Variants in RIPOR3 observed in about 807,000 individuals in gnomAD.
RIPOR3 encodes RIPOR family member 3.
A neutral mutation model predicts 114.3 loss-of-function variants in RIPOR3; 95 were observed. The ratio of observed to expected loss-of-function variants is 0.83; its 90% CI spans 0.70 to 0.99. The LOEUF is 0.99. Ranked by LOEUF, RIPOR3 falls within the 50% of genes least tolerant of loss-of-function variation. The pLI is 0.00. For synonymous variants in RIPOR3, 575 were observed against 543.8 expected, an observed-to-expected ratio of 1.06 and a Z score of -0.80; for missense variants, 1,252 against 1,266.9, an observed-to-expected ratio of 0.99 and a Z score of 0.18.
At chr20:50,690,819 G>T (rs988619743) in intron 1 of RIPOR3, among the ~76,000 whole-genome samples, 1 of 152,166 alleles carries the variant, frequency 6.6e-6, no homozygotes, top group Non-Finnish European at 1.5e-5. Flanking sequence ...CCTACACAGT[G>T]CCTGGCGTAT....
Position 50,587,299 on chromosome 20 carries a change from T to C in RIPOR3, c.2786A>G (p.Asp929Gly). Residue 929 changes from aspartate (D) to glycine (G), a missense_variant, in exon 22 of 22, where the codon GAC becomes GGC. Physicochemically the swap from Asp to Gly is moderately conservative, Grantham distance 94 (BLOSUM62 -1). Transcript: ENST00000327979. ...EKGRLAFEKM[D>G]KLCSEQREVF... ...TTCTCTTTGTTCTGAGCAGAGCTTG[T>C]CCATCTTCTCAAAAGCTAACCGTCC... 1 of 1,614,212 alleles carries C rather than the reference T, an allele frequency of 6.2e-7. No individual in the cohort carries two copies. Among genetic ancestry groups the C allele is most frequent in the Non-Finnish European group, 8.5e-7 (1 of 1,180,040 alleles).
At chr20:50,672,168 A>T (rs996165768) in intron 1 of RIPOR3, among the ~76,000 whole-genome samples, 2 of 152,140 alleles carry the variant, frequency 1.3e-5, no homozygotes, top group African/African-American at 4.8e-5. Flanking sequence ...ACCCTCACTG[A>T]GCAGCTGTCA....
Position 50,587,875 on chromosome 20 carries a change from G to A in RIPOR3, c.2679C>T (p.Asp893=), listed in dbSNP as rs370425552. 2.5e-6 allele frequency: 4 copies of A among 1,614,168 alleles called. No individual in the cohort carries two copies. Among genetic ancestry groups the A allele is most frequent in the Admixed American group, 3.3e-5 (2 of 60,034 alleles). ...LKHLKGIESI[D]QTASLCQSDL... is the part of the protein sequence containing the mutation. ...CAGACTGGCACAGGCTGGCAGTCTGGTCGATGCTTTCAATGCCCTGTTCGA... is the reference window on the plus strand; with the variant it reads ...CAGACTGGCACAGGCTGGCAGTCTGATCGATGCTTTCAATGCCCTGTTCGA... Residue 893 remains aspartate (D), a synonymous_variant, in exon 21 of 22, where the codon GAC becomes GAT. Transcript: ENST00000327979.
chr20:50,644,849 T>TA (rs1428906937), intron 1 of RIPOR3, among the ~76,000 whole-genome samples: 9 of 150,546 alleles, frequency 6.0e-5, no homozygotes, highest in Admixed American at 1.3e-4. Flanking sequence ...TTTTTATTTT[T>TA]TTTTTTTGAG....
chr20:50,587,455 G>A, intron 21 of RIPOR3, 123 bp from the exon 22 acceptor site: 2 of 796,476 alleles, frequency 2.5e-6, no homozygotes, highest in South Asian at 1.5e-5. Context: ...AAAGCGGCAG[G>A]GGAGGGAGTA....
intron 1 of RIPOR3, among the ~76,000 whole-genome samples, chr20:50,663,533 G>A (rs1018717878): frequency 6.6e-6 from 1 of 152,138 alleles, no homozygotes; most frequent in Non-Finnish European, 1.5e-5. Flanking sequence ...ATATGTGAAG[G>A]TCTTGGCGTT....
chr20:50,649,265 C>T (rs1408302694), intron 1 of RIPOR3, among the ~76,000 whole-genome samples: 4 of 152,046 alleles, frequency 2.6e-5, no homozygotes, highest in Non-Finnish European at 5.9e-5. Flanking sequence ...GCCAACATGG[C>T]GAAACCCCGT....
Position 50,609,607 on chromosome 20 carries a change from T to C in RIPOR3, c.542A>G (p.Gln181Arg), listed in dbSNP as rs2083872311. The C allele has an allele frequency of 3.5e-6, 5 of 1,415,566 alleles. No individual in the cohort carries two copies. The highest frequency in any genetic ancestry group is 4.6e-6 in the Non-Finnish European group (5 of 1,088,518). 87.7% of individuals were successfully genotyped at this position (1,415,566 alleles called of 1,614,324 possible). A position where few individuals can be genotyped will look rare whatever the true frequency, so the allele number is the denominator to read the frequency against. Residue 181 changes from glutamine to arginine, a missense_variant, in exon 7 of 22, where the codon CAG (glutamine) becomes CGG (arginine). Coordinates refer to ENST00000327979, the MANE Select transcript of RIPOR3 (RefSeq NM_001290268.2). ...CTCGTGCAGGCTGCGGCCCAGCTCC[T>C]GCAGGCTCTCTCGGGCTGCGCGGCT... ...PPSRAARESL[Q>R]ELGRSLHECA...
chr20:50,587,535 T>C (rs1374972228), intron 21 of RIPOR3, among the ~76,000 whole-genome samples: 1 of 152,202 alleles, frequency 6.6e-6, no homozygotes, highest in Non-Finnish European at 1.5e-5. Context: ...GATGTTCCGC[T>C]GAATGGGAAC....
chr20:50,649,781 G>A (rs1030147807), intron 1 of RIPOR3, among the ~76,000 whole-genome samples: 3 of 152,212 alleles, frequency 2.0e-5, no homozygotes, highest in Admixed American at 1.3e-4. Context: ...TAGGCTGGCT[G>A]GAAGCAGATA....
intron 3 of RIPOR3, among the ~76,000 whole-genome samples, chr20:50,617,955 G>T (rs575981022): frequency 1.3e-5 from 2 of 152,098 alleles, no homozygotes; most frequent in African/African-American, 4.8e-5. Flanking sequence ...CCTCTTTGGG[G>T]TGCCCCATCT....
chr20:50,685,222 ATTTTTT>A (rs35813074), intron 1 of RIPOR3, among the ~76,000 whole-genome samples: 5 of 128,014 alleles, frequency 3.9e-5, no homozygotes, highest in East Asian at 2.4e-4. Flanking sequence ...ATGGGATAGA[ATTTTTT>A]TTTTTTTTTT....
chr20:50,609,143 G>T, intron 8 of RIPOR3, 150 bp downstream of exon 8: 2 of 1,233,892 alleles, frequency 1.6e-6, no homozygotes, highest in Middle Eastern at 1.9e-4. Context: ...CTCAGAGAGG[G>T]GTGGGACTTG....
intron 13 of RIPOR3, 79 bp from the exon 14 acceptor site, chr20:50,597,789 G>C (rs1242195310): frequency 1.3e-6 from 2 of 1,528,606 alleles, no homozygotes; most frequent in East Asian, 4.9e-5. Context: ...GGGCCTCACG[G>C]CAGACTTGGG....
chr20:50,606,025 G>A lies in RIPOR3; in HGVS notation c.957-1251C>T, dbSNP rs189456930. On this transcript the variant is annotated intron_variant, in intron 11 of 21. Transcript: ENST00000327979. The stretch of plus-strand genomic sequence containing the variant: ...TCGAGACCAGCCTGGCCAACATGGC[G>A]AAACCCCATCTCTCCTAAAAACATA... Among the ~76,000 whole-genome samples the A allele has an allele frequency of 2.6e-3, 397 of 152,232 alleles. 1 individual carries two copies. Among genetic ancestry groups the A allele is most frequent in the African/African-American group, 9.0e-3 (373 of 41,550 alleles).
At chr20:50,613,463 A>G (rs2084045322) in intron 4 of RIPOR3, among the ~76,000 whole-genome samples, 1 of 150,690 alleles carries the variant, frequency 6.6e-6, no homozygotes, top group Non-Finnish European at 1.5e-5. Flanking sequence ...GAAAAAAAAG[A>G]AAAGAAAAGA....
intron 13 of RIPOR3, among the ~76,000 whole-genome samples, chr20:50,601,240 C>T (rs1568834743): frequency 2.0e-5 from 3 of 152,136 alleles, no homozygotes; most frequent in Admixed American, 1.3e-4. Flanking sequence ...TTGAGACCAG[C>T]CTGGCCAACA....
chr20:50,663,175 A>G (rs937993188), intron 1 of RIPOR3, among the ~76,000 whole-genome samples: 1 of 151,432 alleles, frequency 6.6e-6, no homozygotes, highest in African/African-American at 2.4e-5. Flanking sequence ...AGTGAGTCAC[A>G]CAGGTATTCA....
At position 50,680,061 on chromosome 20, in the gene RIPOR3, C is replaced by A. The variant is rs117813775; in HGVS notation, c.3+11065G>T. 2.4e-3 allele frequency among the ~76,000 whole-genome samples: 364 copies of A among 152,292 alleles called. 2 individuals carry two copies. The highest frequency in any genetic ancestry group is 4.4e-3 in the Admixed American group (68 of 15,286). On this transcript the variant is annotated intron_variant, in intron 1 of 21. Transcript: ENST00000327979. ...CCAGCATCTCTGTTTTGTCCTGGGT[C>A]CCTCTGCCAGGAGCTCCCTGGAACC... is the stretch of plus-strand genomic sequence containing the variant.
Sources: gnomAD v4.1 joint callset for allele counts (sites outside exome capture counted in the v4.1 genomes callset) on GRCh38, gnomAD v4.1.1 for gene constraint, MANE v1.5 for transcripts, NCBI Gene and HGNC (gene_info 2026-07-23, HGNC 2026-07-21) for gene names.